Variants in ZNRF3 observed in about 807,000 individuals in gnomAD.
ZNRF3 encodes the protein zinc and ring finger 3, also known as E3 ubiquitin-protein ligase ZNRF3.
In ZNRF3, 23 loss-of-function variants were observed where a neutral mutation model predicts 72.5. The ratio of observed to expected loss-of-function variants is 0.32; its 90% CI spans 0.23 to 0.45. The LOEUF is 0.45. ZNRF3 is among the 20% of genes least tolerant of loss of function. The pLI is 1.00. For synonymous variants in ZNRF3, 610 were observed against 545.3 expected (o/e 1.12, Z -1.65); for missense variants, 1,169 against 1,272.1 (o/e 0.92, Z 1.23).
In ZNRF3 at chr22:29,048,448, G is replaced by C. The variant is rs1231972145; in HGVS notation, c.972G>C (p.Leu324=). The C allele has an allele frequency of 8.7e-6, 14 of 1,614,056 alleles. No individual in the cohort carries two copies. The highest frequency in any genetic ancestry group is 1.2e-5 in the Non-Finnish European group (14 of 1,180,026). The change falls in exon 7 of 9, where the codon CTG becomes CTC. Residue 324 remains leucine (L), a synonymous_variant. Coordinates refer to ENST00000544604, the MANE Select transcript of ZNRF3 (RefSeq NM_001206998.2). This position sits in a 1 kb window ranked among gnomAD's most constrained non-coding sequence, Gnocchi z 4.9. ...RFHRKCVDPW[L]LQHHTCPHCR... is the part of the protein sequence containing the mutation. ...ACAGGAAGTGCGTGGACCCCTGGCTGCTGCAGCACCACACCTGCCCCCACT... is the reference window on the plus strand; with the variant it reads ...ACAGGAAGTGCGTGGACCCCTGGCTCCTGCAGCACCACACCTGCCCCCACT...
intron 1 of ZNRF3, among the ~76,000 whole-genome samples, chr22:28,907,883 C>T (rs912457036): frequency 7.2e-5 from 11 of 152,204 alleles, no homozygotes; most frequent in African/African-American, 2.2e-4. Context: ...TGTATAGTTA[C>T]AAGCCTCTAA....
intron 2 of ZNRF3, among the ~76,000 whole-genome samples, chr22:29,028,147 A>C (rs780201133): frequency 2.0e-5 from 3 of 152,238 alleles, no homozygotes; most frequent in Non-Finnish European, 4.4e-5. Flanking sequence ...CTTAAGAATA[A>C]AGGATGAAAG....
rs1328989801 is a variant in ZNRF3 at position 28,963,680 on chromosome 22, C to G, written c.301-23396C>G. Reference sequence around the variant, plus strand: ...AGCTGTGCTTTGGGCTCCTTGGAGACAGCCACTATGTATCAGGAATTATTA... The same window carrying G: ...AGCTGTGCTTTGGGCTCCTTGGAGAGAGCCACTATGTATCAGGAATTATTA... On this transcript the variant is annotated intron_variant, in intron 1 of 8. Transcript: ENST00000544604. 2.6e-5 allele frequency among the ~76,000 whole-genome samples: 4 copies of G among 152,316 alleles called. No individual in the cohort carries two copies. The East Asian group carries it at 7.7e-4, about 29-fold the overall frequency.
intron 2 of ZNRF3, among the ~76,000 whole-genome samples, chr22:29,020,249 C>CTTT (rs756716817): frequency 0.12 from 10,778 of 91,278 alleles, 843 homozygotes; most frequent in East Asian, 0.16. Flanking sequence ...CACAACCATC[C>CTTT]TTTTTTTTTT....
At chr22:29,033,616 C>G (rs1383610081) in intron 2 of ZNRF3, among the ~76,000 whole-genome samples, 1 of 152,130 alleles carries the variant, frequency 6.6e-6, no homozygotes, top group African/African-American at 2.4e-5. Context: ...TGTGAGAAAT[C>G]TGGTGTCCTG....
intron 1 of ZNRF3, among the ~76,000 whole-genome samples, chr22:28,896,699 C>G (rs1354912124): frequency 2.0e-5 from 3 of 152,206 alleles, no homozygotes; most frequent in African/African-American, 4.8e-5. Flanking sequence ...GAAAGTACAT[C>G]AGTCTTGGAG....
At chr22:29,001,059 CTTTTTTTTTT>C (rs773296494) in intron 2 of ZNRF3, among the ~76,000 whole-genome samples, 23 of 77,952 alleles carry the variant, frequency 3.0e-4, no homozygotes, top group Middle Eastern at 0.01. Flanking sequence ...AAAGCTTTGC[CTTTTTTTTTT>C]TTTTTTTTTT....
rs1040249247 is a variant in ZNRF3 at position 28,903,615 on chromosome 22, C to T, written c.300+19549C>T. ...ACCCCTCCTCCAGCAAGACTGGGCT[C>T]TGCATTCCTCTCCTTGAATGGAGAA... On this transcript the variant is annotated intron_variant, in intron 1 of 8. Coordinates refer to ENST00000544604, the MANE Select transcript of ZNRF3 (RefSeq NM_001206998.2). Among the ~76,000 whole-genome samples the T allele has an allele frequency of 3.3e-5, 5 of 152,124 alleles. No homozygotes were observed. In the South Asian group the frequency reaches 1.0e-3, roughly 32 times the overall value.
At chr22:28,988,609 T>C (rs1165714993) in intron 2 of ZNRF3, among the ~76,000 whole-genome samples, 1 of 152,144 alleles carries the variant, frequency 6.6e-6, no homozygotes. Context: ...GCCCTGATAC[T>C]TCATCATTTA....
intron 1 of ZNRF3, among the ~76,000 whole-genome samples, chr22:28,917,975 G>C (rs1183274886): frequency 6.6e-6 from 1 of 152,228 alleles, no homozygotes; most frequent in Non-Finnish European, 1.5e-5. Flanking sequence ...CTGTTAGCTG[G>C]AGTTTCCATT....
At chr22:28,987,900 G>A (rs1343571117) in intron 2 of ZNRF3, among the ~76,000 whole-genome samples, 1 of 152,158 alleles carries the variant, frequency 6.6e-6, no homozygotes, top group Non-Finnish European at 1.5e-5. Context: ...GAGATGAGAT[G>A]CAAACGCCTC....
intron 1 of ZNRF3, among the ~76,000 whole-genome samples, chr22:28,908,882 G>A (rs2034263178): frequency 6.6e-6 from 1 of 152,040 alleles, no homozygotes; most frequent in East Asian, 1.9e-4. Flanking sequence ...TGGTGTCTCC[G>A]TTGGGTGTTT....
Position 29,046,901 on chromosome 22 carries a change from C to T in ZNRF3, c.912+18C>T. On this transcript the variant is annotated intron_variant, in intron 6 of 8. Coordinates refer to ENST00000544604, the MANE Select transcript of ZNRF3 (RefSeq NM_001206998.2). ...ATGGAGAGGTAATGGCAGAAGCAGG[C>T]CCGTCCTGGGTGGGGAAAACATAGG... 4 of 1,521,360 alleles carry T rather than the reference C, an allele frequency of 2.6e-6. No homozygotes were observed. The highest frequency in any genetic ancestry group is 3.5e-6 in the Non-Finnish European group (4 of 1,127,454). 94.2% of individuals were successfully genotyped at this position (1,521,360 alleles called of 1,614,324 possible).
intron 1 of ZNRF3, among the ~76,000 whole-genome samples, chr22:28,918,799 C>G (rs2034459749): frequency 1.3e-5 from 2 of 150,680 alleles, no homozygotes; most frequent in African/African-American, 4.9e-5. Context: ...AAAGCTGCCA[C>G]TGATCCCATC....
chr22:28,993,238 T>G (rs959387129), intron 2 of ZNRF3, among the ~76,000 whole-genome samples: 1 of 152,248 alleles, frequency 6.6e-6, no homozygotes, highest in African/African-American at 2.4e-5. Flanking sequence ...ACCAGGCATC[T>G]GTTATTTTAA....
At position 29,046,796 on chromosome 22, in the gene ZNRF3, G is replaced by T. The variant is rs769335062; in HGVS notation, c.825G>T (p.Arg275=). 32 of 1,612,010 alleles carry T rather than the reference G, an allele frequency of 2.0e-5. No homozygotes were observed. The highest frequency in any genetic ancestry group is 2.6e-5 in the Non-Finnish European group (31 of 1,179,040). The part of the protein sequence containing the change: ...RKFNSKSKGR[R]EGSCGALDTL... The stretch of plus-strand genomic sequence containing the variant: ...TCAACTCCAAGAGCAAGGGGCGCCG[G>T]GAGGGGAGCTGTGGGGCCCTGGACA... The change falls in exon 6 of 9, where the codon CGG becomes CGT. Residue 275 remains arginine, a synonymous_variant. Transcript: ENST00000544604.
chr22:29,034,819 T>G (rs2123875024), intron 2 of ZNRF3, among the ~76,000 whole-genome samples: 1 of 152,302 alleles, frequency 6.6e-6, no homozygotes, highest in Admixed American at 6.5e-5. Flanking sequence ...GGGCAGGATG[T>G]GTGCTTGGTG....
At chr22:28,922,616 A>G (rs2034529754) in intron 1 of ZNRF3, among the ~76,000 whole-genome samples, 1 of 152,196 alleles carries the variant, frequency 6.6e-6, no homozygotes, top group African/African-American at 2.4e-5. Context: ...GACCTCCCAA[A>G]GGTGGATCCA....
chr22:28,965,147 C>T (rs993215335), intron 1 of ZNRF3, among the ~76,000 whole-genome samples: 1 of 152,164 alleles, frequency 6.6e-6, no homozygotes, highest in Non-Finnish European at 1.5e-5. Flanking sequence ...GCTCAGCCAT[C>T]CTAGCACAGC....
Sources: gnomAD v4.1 joint callset for allele counts (sites outside exome capture counted in the v4.1 genomes callset) on GRCh38, gnomAD v4.1.1 for gene constraint, Gnocchi (gnomAD v3.1) non-coding constraint, MANE v1.5 for transcripts, NCBI Gene and HGNC (gene_info 2026-07-23, HGNC 2026-07-21) for gene names.